ASCC1: variants seen among roughly 807,000 people sequenced by gnomAD.
ASCC1 encodes ASC-1 complex subunit P50.
ASCC1 carries 35 observed loss-of-function variants against 46.6 expected under a neutral mutation model. The ratio of observed to expected loss-of-function variants is 0.75; its 90% CI spans 0.57 to 0.99. ASCC1 has a LOEUF of 0.99. Among genes scored for constraint, ASCC1 ranks in the 50% least tolerant of loss-of-function variants. ASCC1 has a pLI of 0.00. For missense variants in ASCC1, 376 were observed against 428.7 expected (o/e 0.88, Z 1.09); for synonymous variants, 143 against 146.6 (o/e 0.98, Z 0.18).
chr10:72,112,525 C>T (rs1188472753), intron 9 of ASCC1, among the ~76,000 whole-genome samples: 1 of 152,006 alleles, frequency 6.6e-6, no homozygotes, highest in East Asian at 1.9e-4. Flanking sequence ...GTACTTAATG[C>T]CACTGAATTG....
At position 72,193,748 on chromosome 10, in the gene ASCC1, G is replaced by C. The variant is rs185811345; in HGVS notation, c.489+3063C>G. The stretch of plus-strand genomic sequence containing the variant: ...TCTTCAGAGGATAATTGGCTAAATA[G>C]GGGTTTAAAAAGTTAAAGTCTTACC... On this transcript the variant is annotated intron_variant, in intron 5 of 9. Transcript: ENST00000672957. Among the ~76,000 whole-genome samples, 1,062 of 152,022 alleles carry C rather than the reference G, an allele frequency of 7.0e-3. 18 individuals are homozygous for C. The highest frequency in any genetic ancestry group is 0.024 in the African/African-American group (1,007 of 41,468).
intron 6 of ASCC1, 76 bp from the exon 7 acceptor site, chr10:72,153,064 TAC>T (rs1421128007): frequency 1.3e-6 from 2 of 1,574,790 alleles, no homozygotes; most frequent in Non-Finnish European, 1.7e-6. Flanking sequence ...ACATGGTTAA[TAC>T]ACATAGTCAA....
At chr10:72,129,506 T>TA (rs1372142721) in intron 8 of ASCC1, among the ~76,000 whole-genome samples, 3 of 151,498 alleles carry the variant, frequency 2.0e-5, no homozygotes, top group Non-Finnish European at 4.4e-5. Flanking sequence ...CTTGTCACTA[T>TA]AAAAAAAAGT....
rs973799491 is a variant in ASCC1 at position 72,183,161 on chromosome 10, C to T, written c.489+13650G>A. On this transcript the variant is annotated intron_variant, in intron 5 of 9. Transcript: ENST00000672957. ...AAGTTCAAGCGATCCTCCCTGCCTC[C>T]GCCTCCTGAGTAGCTGGGATTACGG... 1.6e-4 allele frequency among the ~76,000 whole-genome samples: 24 copies of T among 151,610 alleles called. 1 individual carries two copies. The highest frequency in any genetic ancestry group is 5.8e-4 in the African/African-American group (24 of 41,312).
chr10:72,133,269 G>A, intron 7 of ASCC1, 88 bp from the exon 8 acceptor site: 2 of 1,362,536 alleles, frequency 1.5e-6, no homozygotes, highest in Non-Finnish European at 1.0e-6. Flanking sequence ...TGGAGCATGT[G>A]CTCTGTGCTA....
chr10:72,195,894 C>T (rs11000212), intron 5 of ASCC1, among the ~76,000 whole-genome samples: 23 of 151,750 alleles, frequency 1.5e-4, no homozygotes, highest in Admixed American at 9.2e-4. Flanking sequence ...ATATAGCAAT[C>T]ATGTAACAGC....
intron 6 of ASCC1, 127 bp downstream of exon 6, chr10:72,161,411 T>G: frequency 8.4e-7 from 1 of 1,192,016 alleles, no homozygotes; most frequent in Non-Finnish European, 1.2e-6. Context: ...ATTGCCTGAG[T>G]GGGCTCCATC....
chr10:72,210,948 A>G (rs748900873), intron 2 of ASCC1, 117 bp from the exon 3 acceptor site: 5 of 822,816 alleles, frequency 6.1e-6, no homozygotes, highest in Non-Finnish European at 1.0e-5. Flanking sequence ...GGCATAAAGA[A>G]CAGCCGGACA....
At chr10:72,162,764 G>A (rs1290987329) in intron 5 of ASCC1, among the ~76,000 whole-genome samples, 1 of 151,970 alleles carries the variant, frequency 6.6e-6, no homozygotes, top group Non-Finnish European at 1.5e-5. Flanking sequence ...CCAACATGGT[G>A]AAACCCCATC....
chr10:72,183,748 GAATTCTAT>G (rs1226523887), intron 5 of ASCC1, among the ~76,000 whole-genome samples: 1 of 152,128 alleles, frequency 6.6e-6, no homozygotes, highest in African/African-American at 2.4e-5. Flanking sequence ...AAACTACTTA[GAATTCTAT>G]AATCAGTAAA....
intron 9 of ASCC1, among the ~76,000 whole-genome samples, chr10:72,124,889 C>G (rs1275431362): frequency 6.6e-6 from 1 of 152,094 alleles, no homozygotes; most frequent in Non-Finnish European, 1.5e-5. Context: ...TATGTTTGTT[C>G]TTTTTCAGGT....
chr10:72,196,342 G>C (rs539380009), intron 5 of ASCC1, among the ~76,000 whole-genome samples: 17 of 149,404 alleles, frequency 1.1e-4, no homozygotes, highest in Non-Finnish European at 3.0e-5. Flanking sequence ...GCAGTGGCAC[G>C]ATCTTGGCTC....
At chr10:72,216,069 C>T (rs1016751784) in intron 1 of ASCC1, 138 bp downstream of exon 1, 2 of 152,332 alleles carry the variant, frequency 1.3e-5, no homozygotes, top group African/African-American at 2.4e-5. Flanking sequence ...CGGTCCTCGT[C>T]GTGGTGAGCG....
chr10:72,197,093 T>A (rs1418046860), intron 4 of ASCC1, 104 bp from the exon 5 acceptor site: 3 of 1,016,890 alleles, frequency 3.0e-6, no homozygotes, highest in Non-Finnish European at 4.6e-6. Flanking sequence ...CAGTTCTGAA[T>A]GCGTATATGA....
intron 9 of ASCC1, among the ~76,000 whole-genome samples, chr10:72,126,549 C>CGT (rs1844884453): frequency 2.6e-5 from 4 of 151,810 alleles, no homozygotes; most frequent in African/African-American, 9.7e-5. Flanking sequence ...CCCACTCTTA[C>CGT]AGATGTCAAA....
At chr10:72,196,778 T>C in intron 5 of ASCC1, 33 bp downstream of exon 5, 2 of 1,591,012 alleles carry the variant, frequency 1.3e-6, no homozygotes, top group South Asian at 1.1e-5. Flanking sequence ...TATTTAACTT[T>C]TTTTTTAACC....
chr10:72,173,538 C>T (rs1346580063), intron 5 of ASCC1, among the ~76,000 whole-genome samples: 1 of 152,144 alleles, frequency 6.6e-6, no homozygotes, highest in Non-Finnish European at 1.5e-5. Flanking sequence ...TTCAAATAAT[C>T]CTTAACTCTA....
At chr10:72,131,350 C>T (rs534397272) in intron 8 of ASCC1, among the ~76,000 whole-genome samples, 2 of 151,822 alleles carry the variant, frequency 1.3e-5, no homozygotes, top group Admixed American at 1.3e-4. Flanking sequence ...ACCTGGGGGG[C>T]GGAGGTTGCA....
At chr10:72,164,953 G>T (rs936629992) in intron 5 of ASCC1, among the ~76,000 whole-genome samples, 1 of 151,932 alleles carries the variant, frequency 6.6e-6, no homozygotes, top group East Asian at 1.9e-4. Context: ...AAAATCTTTT[G>T]CCCATTTCAA....
Sources: gnomAD v4.1 joint callset for allele counts (sites outside exome capture counted in the v4.1 genomes callset) on GRCh38, gnomAD v4.1.1 for gene constraint, MANE v1.5 for transcripts, NCBI Gene and HGNC (gene_info 2026-07-23, HGNC 2026-07-21) for gene names.